Variants in MARCHF1 observed in about 807,000 individuals in gnomAD.
MARCHF1 encodes the protein membrane associated ring-CH-type finger 1, also known as E3 ubiquitin-protein ligase MARCHF1.
A neutral mutation model predicts 54.2 loss-of-function variants in MARCHF1; 40 were observed. The observed-to-expected ratio is 0.74, with a 90% CI of 0.57 to 0.96. MARCHF1 has a LOEUF of 0.96. Ranked by LOEUF, MARCHF1 falls within the 40% of genes least tolerant of loss-of-function variation. The pLI is 0.00. For missense variants in MARCHF1, 586 were observed against 656.5 expected (o/e 0.89, Z 1.17); for synonymous variants, 236 against 236.3 (o/e 1.00, Z 0.01).
intron 2 of MARCHF1, among the ~76,000 whole-genome samples, chr4:163,997,925 TACACACACACAC>T (rs5863648): frequency 4.0e-5 from 6 of 148,318 alleles, no homozygotes; most frequent in African/African-American, 9.9e-5. Flanking sequence ...TTGCCTTAAA[TACACACACACAC>T]ACACACACAC....
At chr4:163,652,540 T>C (rs577822693) in intron 5 of MARCHF1, among the ~76,000 whole-genome samples, 1 of 151,908 alleles carries the variant, frequency 6.6e-6, no homozygotes, top group Admixed American at 6.6e-5. Context: ...ATCAATTAAC[T>C]TCATCTCAAG....
intron 4 of MARCHF1, among the ~76,000 whole-genome samples, chr4:163,716,895 C>T (rs1745275832): frequency 2.0e-5 from 3 of 152,048 alleles, no homozygotes; most frequent in African/African-American, 4.8e-5. Flanking sequence ...TAAGAATAAA[C>T]ATTTTAGGTT....
intron 5 of MARCHF1, among the ~76,000 whole-genome samples, chr4:163,658,154 A>G (rs1420515544): frequency 6.6e-6 from 1 of 152,114 alleles, no homozygotes; most frequent in Admixed American, 6.6e-5. Flanking sequence ...TAATCTATCT[A>G]TCTGACAAAG....
At chr4:164,118,556 T>C (rs1246853487) in intron 1 of MARCHF1, among the ~76,000 whole-genome samples, 1 of 151,354 alleles carries the variant, frequency 6.6e-6, no homozygotes, top group Non-Finnish European at 1.5e-5. Flanking sequence ...CATTTAAGCT[T>C]ATAAGACAAA....
chr4:164,062,512 TTTTAG>T (rs1754640665), intron 2 of MARCHF1, among the ~76,000 whole-genome samples: 1 of 152,110 alleles, frequency 6.6e-6, no homozygotes, highest in African/African-American at 2.4e-5. Context: ...AAAATTTTTC[TTTTAG>T]TTGTTATTTA....
At chr4:163,709,653 T>C (rs1210795530) in intron 4 of MARCHF1, among the ~76,000 whole-genome samples, 1 of 152,192 alleles carries the variant, frequency 6.6e-6, no homozygotes, top group Non-Finnish European at 1.5e-5. Context: ...ACCTGGAATA[T>C]ACAGGCACTA....
At chr4:164,257,070 A>G (rs187495313) in intron 1 of MARCHF1, among the ~76,000 whole-genome samples, 1 of 152,184 alleles carries the variant, frequency 6.6e-6, no homozygotes, top group East Asian at 1.9e-4. Flanking sequence ...CTTATGAAGA[A>G]GTCAAAGAGA....
At chr4:163,966,144 G>A (rs2110825230) in intron 3 of MARCHF1, among the ~76,000 whole-genome samples, 1 of 152,084 alleles carries the variant, frequency 6.6e-6, no homozygotes, top group Non-Finnish European at 1.5e-5. Context: ...ATACTAAAAT[G>A]TGCTATATTA....
chr4:164,049,914 T>A (rs542100093), intron 2 of MARCHF1, among the ~76,000 whole-genome samples: 1 of 152,194 alleles, frequency 6.6e-6, no homozygotes, highest in Non-Finnish European at 1.5e-5. Context: ...TGGATTTACA[T>A]TGTCAAATGT....
At chr4:164,090,681 C>T (rs980963315) in intron 2 of MARCHF1, among the ~76,000 whole-genome samples, 1 of 151,926 alleles carries the variant, frequency 6.6e-6, no homozygotes, top group African/African-American at 2.4e-5. Flanking sequence ...TCAAGATTAA[C>T]AGGATAGGAT....
At chr4:164,037,897 G>C (rs1754043245) in intron 2 of MARCHF1, among the ~76,000 whole-genome samples, 1 of 152,158 alleles carries the variant, frequency 6.6e-6, no homozygotes, top group African/African-American at 2.4e-5. Flanking sequence ...CATATTGCAT[G>C]ATTCTATTTA....
chr4:164,188,712 TC>T, intron 1 of MARCHF1: 1 of 1,065,888 alleles, frequency 9.4e-7, no homozygotes, highest in Non-Finnish European at 1.5e-6. Flanking sequence ...CAGCAGGACA[TC>T]AAGTTCTTGC....
chr4:163,722,483 G>A (rs919363473), intron 4 of MARCHF1, among the ~76,000 whole-genome samples: 1 of 152,184 alleles, frequency 6.6e-6, no homozygotes, highest in Non-Finnish European at 1.5e-5. Context: ...GTGCGATGTG[G>A]TGCTGAGAAT....
At chr4:163,813,746 T>A (rs754009324) in intron 4 of MARCHF1, among the ~76,000 whole-genome samples, 17 of 152,148 alleles carry the variant, frequency 1.1e-4, no homozygotes, top group Non-Finnish European at 2.1e-4. Context: ...AAAACATTTC[T>A]AGCATGACTC....
chr4:163,727,222 G>C (rs1745683783), intron 4 of MARCHF1, among the ~76,000 whole-genome samples: 1 of 151,486 alleles, frequency 6.6e-6, no homozygotes, highest in Admixed American at 6.6e-5. Context: ...ATAATTTTAT[G>C]GTTTTGTGTT....
intron 1 of MARCHF1, among the ~76,000 whole-genome samples, chr4:164,114,625 T>C (rs1428523448): frequency 6.6e-6 from 1 of 151,618 alleles, no homozygotes; most frequent in East Asian, 1.9e-4. Flanking sequence ...TTGCTATTTT[T>C]CCTAAGTACA....
intron 1 of MARCHF1, among the ~76,000 whole-genome samples, chr4:164,198,494 A>G (rs1283164323): frequency 6.6e-6 from 1 of 152,240 alleles, no homozygotes; most frequent in Non-Finnish European, 1.5e-5. Flanking sequence ...AAGGATCATG[A>G]GATGGTTTTC....
intron 5 of MARCHF1, among the ~76,000 whole-genome samples, chr4:163,634,121 G>A (rs973526573): frequency 2.8e-3 from 425 of 152,146 alleles, no homozygotes; most frequent in Non-Finnish European, 4.8e-3. Flanking sequence ...AGGAACAACC[G>A]GTACCAGCTG....
intron 7 of MARCHF1, among the ~76,000 whole-genome samples, chr4:163,599,363 T>G (rs901620931): frequency 1.3e-5 from 2 of 151,694 alleles, no homozygotes; most frequent in South Asian, 2.1e-4. Flanking sequence ...GACAAAAACA[T>G]ACACATTAGC....
Sources: gnomAD v4.1 joint callset for allele counts (sites outside exome capture counted in the v4.1 genomes callset) on GRCh38, gnomAD v4.1.1 for gene constraint, MANE v1.5 for transcripts, NCBI Gene and HGNC (gene_info 2026-07-23, HGNC 2026-07-21) for gene names.